Variants in DSCAM observed in about 807,000 individuals in gnomAD.
The protein encoded by DSCAM is cell adhesion molecule DSCAM.
DSCAM carries 47 observed loss-of-function variants against 217.7 expected under a neutral mutation model. That is an observed-to-expected ratio of 0.22 (90% CI 0.17 to 0.28). DSCAM has a LOEUF of 0.28. DSCAM is among the 10% of genes least tolerant of loss of function. The pLI is 1.00. For missense variants in DSCAM, 2,080 were observed against 2,618.3 expected (o/e 0.79, Z 4.49); for synonymous variants, 1,056 against 1,015.3 (o/e 1.04, Z -0.76).
intron 3 of DSCAM, among the ~76,000 whole-genome samples, chr21:40,394,969 T>A (rs2075165507): frequency 6.6e-6 from 1 of 152,216 alleles, no homozygotes; most frequent in Non-Finnish European, 1.5e-5. Flanking sequence ...GGAAAATTTA[T>A]AAGGAAGTAA....
chr21:40,182,640 CAGGA>C (rs201507784), intron 14 of DSCAM, among the ~76,000 whole-genome samples: 12 of 92,134 alleles, frequency 1.3e-4, no homozygotes, highest in African/African-American at 5.4e-4. Context: ...AAACCGTGGA[CAGGA>C]GGGGGTTACC....
intron 11 of DSCAM, 45 bp downstream of exon 11, chr21:40,276,052 C>T: frequency 6.7e-7 from 1 of 1,493,456 alleles, no homozygotes; most frequent in Admixed American, 2.3e-5. Flanking sequence ...CCCCAGAGAC[C>T]TATGTATTTA....
At chr21:40,074,669 T>C (rs1016454899) in intron 27 of DSCAM, among the ~76,000 whole-genome samples, 1 of 152,218 alleles carries the variant, frequency 6.6e-6, no homozygotes, top group Admixed American at 6.5e-5. Context: ...AGTCAAGTAA[T>C]TCTCATTCCC....
chr21:40,788,490 C>T (rs1187343199), intron 1 of DSCAM, among the ~76,000 whole-genome samples: 1 of 152,202 alleles, frequency 6.6e-6, no homozygotes, highest in Non-Finnish European at 1.5e-5. Flanking sequence ...ATGGCCTCCT[C>T]AGTAGAAACT....
chr21:40,072,688 C>T (rs2089313800), intron 27 of DSCAM, among the ~76,000 whole-genome samples: 2 of 152,124 alleles, frequency 1.3e-5, no homozygotes, highest in South Asian at 2.1e-4. Context: ...CCTTTATTAG[C>T]CATGTACAAA....
chr21:40,621,978 GA>G (rs1427291913), intron 3 of DSCAM, among the ~76,000 whole-genome samples: 1 of 149,286 alleles, frequency 6.7e-6, no homozygotes, highest in Non-Finnish European at 1.5e-5. Flanking sequence ...GGAGGGAGGG[GA>G]AAAAAGAGAG....
Position 40,609,006 on chromosome 21 carries a change from G to T in DSCAM, c.508+83804C>A, listed in dbSNP as rs555123568. 5.3e-5 allele frequency among the ~76,000 whole-genome samples: 8 copies of T among 152,252 alleles called. No individual in the cohort carries two copies. In the East Asian group the frequency reaches 1.5e-3, roughly 29 times the overall value. ...GTCTCACTCTGTCACCCAGGCTGGA[G>T]TGCAGTGGCACAATCATGGCTCACT... On this transcript the variant is annotated intron_variant, in intron 3 of 32. Coordinates refer to ENST00000400454, the MANE Select transcript of DSCAM (RefSeq NM_001389.5).
chr21:40,188,440 G>T (rs1173978986), intron 12 of DSCAM, among the ~76,000 whole-genome samples: 3 of 152,164 alleles, frequency 2.0e-5, no homozygotes, highest in Non-Finnish European at 4.4e-5. Flanking sequence ...TTTCTAGGAG[G>T]ATTCCAGGAA....
At chr21:40,515,617 A>C (rs2076293408) in intron 3 of DSCAM, among the ~76,000 whole-genome samples, 2 of 152,184 alleles carry the variant, frequency 1.3e-5, no homozygotes. Context: ...CTCCAATTGA[A>C]GGTAAAAATA....
At chr21:40,557,207 C>T (rs547283344) in intron 3 of DSCAM, among the ~76,000 whole-genome samples, 53 of 152,122 alleles carry the variant, frequency 3.5e-4, no homozygotes, top group Admixed American at 7.9e-4. Flanking sequence ...GAGGTGGGGC[C>T]AAGTGGAAGT....
Position 40,353,580 on chromosome 21 carries a change from C to A in DSCAM, c.819G>T (p.Lys273Asn). 1.2e-6 allele frequency: 2 copies of A among 1,609,878 alleles called. No homozygotes were observed. The highest frequency in any genetic ancestry group is 1.7e-6 in the Non-Finnish European group (2 of 1,179,036). Residue 273 changes from lysine (K) to asparagine (N), a missense_variant, in exon 5 of 33, where the codon AAG becomes AAT. Lys to Asn is a moderately conservative substitution (Grantham distance 94, BLOSUM62 0). Coordinates refer to ENST00000400454, the MANE Select transcript of DSCAM (RefSeq NM_001389.5). ...TCTCAATGAGCAGCCCCGTCACGGT[C>A]TTCTGGAACCTCCCTGAAAGTTCCA... ...MPLELSGRFQKTVTGLLIENI... is the reference protein window; with the variant it reads ...MPLELSGRFQNTVTGLLIENI...
At chr21:40,678,683 G>T (rs2090367578) in intron 3 of DSCAM, among the ~76,000 whole-genome samples, 1 of 152,000 alleles carries the variant, frequency 6.6e-6, no homozygotes, top group African/African-American at 2.4e-5. Context: ...TCATAAATTG[G>T]TGAAGCATAT....
intron 3 of DSCAM, among the ~76,000 whole-genome samples, chr21:40,474,936 C>T (rs1433765274): frequency 6.6e-6 from 1 of 152,040 alleles, no homozygotes; most frequent in East Asian, 1.9e-4. Flanking sequence ...GGCCAGAGAC[C>T]TTCCATGGAG....
intron 3 of DSCAM, among the ~76,000 whole-genome samples, chr21:40,407,082 C>G (rs1437927058): frequency 6.6e-6 from 1 of 152,088 alleles, no homozygotes; most frequent in Non-Finnish European, 1.5e-5. Context: ...AACATAGCAA[C>G]TATAGTTAAT....
intron 3 of DSCAM, among the ~76,000 whole-genome samples, chr21:40,463,823 C>T (rs7282263): frequency 0.13 from 20,270 of 152,182 alleles, 1,451 homozygotes; most frequent in South Asian, 0.21. Context: ...GTCTTCTCAT[C>T]CCTAGACACC....
chr21:40,787,653 C>A (rs2091606059), intron 1 of DSCAM, among the ~76,000 whole-genome samples: 1 of 152,106 alleles, frequency 6.6e-6, no homozygotes, highest in Admixed American at 6.5e-5. Context: ...TAATACCAGG[C>A]CCTTCACTTT....
Position 40,012,962 on chromosome 21 carries a change from C to T in DSCAM, c.*72G>A. 8.9e-7 allele frequency: 1 copy of T among 1,127,000 alleles called. No individual in the cohort carries two copies. Among genetic ancestry groups the T allele is most frequent in the Non-Finnish European group, 1.2e-6 (1 of 859,022 alleles). The allele number at this position is 1,127,000 out of a possible 1,614,324, so 69.8% of individuals were successfully genotyped here. A position where few individuals can be genotyped will look rare whatever the true frequency, so the allele number is the denominator to read the frequency against. On this transcript the variant is annotated 3_prime_UTR_variant, in exon 33 of 33. Coordinates refer to ENST00000400454, the MANE Select transcript of DSCAM (RefSeq NM_001389.5). ...TTCTTTAATTATAAATATTGGAATTCCGTAAAAAAAAGGTAGCTTTGATTG... is the reference window on the plus strand; with the variant it reads ...TTCTTTAATTATAAATATTGGAATTTCGTAAAAAAAAGGTAGCTTTGATTG...
At chr21:40,420,257 GA>G (rs2075410607) in intron 3 of DSCAM, among the ~76,000 whole-genome samples, 1 of 152,130 alleles carries the variant, frequency 6.6e-6, no homozygotes, top group African/African-American at 2.4e-5. Flanking sequence ...AGATATATGT[GA>G]AAGACTAAAA....
intron 3 of DSCAM, among the ~76,000 whole-genome samples, chr21:40,628,015 A>G (rs2089627079): frequency 6.6e-6 from 1 of 152,158 alleles, no homozygotes; most frequent in Non-Finnish European, 1.5e-5. Flanking sequence ...GGTACATTTG[A>G]CCACTTTGTA....
Sources: gnomAD v4.1 joint callset for allele counts (sites outside exome capture counted in the v4.1 genomes callset) on GRCh38, gnomAD v4.1.1 for gene constraint, MANE v1.5 for transcripts, NCBI Gene and HGNC (gene_info 2026-07-23, HGNC 2026-07-21) for gene names.